The following CLGN variants were observed in gnomAD, a reference collection of about 807,000 sequenced individuals.
The protein encoded by CLGN is calmegin.
A neutral mutation model predicts 79.1 loss-of-function variants in CLGN; 62 were observed. That is an observed-to-expected ratio of 0.78 (90% CI 0.64 to 0.97). The LOEUF (loss-of-function observed/expected upper bound fraction) is 0.97, where lower values mean the gene tolerates loss of function less well. Among genes scored for constraint, CLGN ranks in the 50% least tolerant of loss-of-function variants. The pLI, the probability that CLGN is intolerant of heterozygous loss-of-function variation, is 0.00. For missense variants in CLGN, 647 were observed against 715.5 expected (o/e 0.90, Z 1.09); for synonymous variants, 225 against 224.7 (o/e 1.00, Z -0.01).
In CLGN at chr4:140,392,241, A is replaced by G. The variant is rs1417093647; in HGVS notation, c.1629T>C (p.Asn543=). The G allele has an allele frequency of 1.9e-6, 3 of 1,611,962 alleles. No homozygotes were observed. Among genetic ancestry groups the G allele is most frequent in the Admixed American group, 3.3e-5 (2 of 59,728 alleles). Residue 543 remains asparagine (N), a synonymous_variant, in exon 13 of 15, where the codon AAT becomes AAC. Coordinates refer to ENST00000325617, the MANE Select transcript of CLGN (RefSeq NM_004362.3). ...PMDLEEEKKQ[N]DGEMLEKEEE... is the part of the protein sequence containing the mutation. ...TACCTTTTTCAAGCATTTCACCATC[A>G]TTTTGCTTTTTTTCCTCTTCCAGGT...
At chr4:140,390,985 A>C (rs1307445929) in intron 13 of CLGN, among the ~76,000 whole-genome samples, 1 of 151,804 alleles carries the variant, frequency 6.6e-6, no homozygotes, top group Non-Finnish European at 1.5e-5. Context: ...ATGAAAACCA[A>C]AAAATAATAA....
rs752847375 is a variant in CLGN, at chr4:140,405,963, G to A, written c.398C>T (p.Ala133Val). The A allele has an allele frequency of 1.9e-6, 3 of 1,611,312 alleles. No homozygotes were observed. The Admixed American group carries it at 5.0e-5, about 27-fold the overall frequency. Reference sequence around the variant, plus strand: ...TTACTGAACTATCAAGGGTTTATCAGCAAAAATGAATGGTTTTGCTAATAC... The same window carrying A: ...TTACTGAACTATCAAGGGTTTATCAACAAAAATGAATGGTTTTGCTAATAC... ...SAVLAKPFIFADKPLIVQYEV... is the reference protein window; with the variant it reads ...SAVLAKPFIFVDKPLIVQYEV... Residue 133 changes from alanine to valine, a missense_variant, in exon 5 of 15, where the codon GCT becomes GTT. Physicochemically the swap from Ala to Val is moderately conservative, Grantham distance 64. Coordinates refer to ENST00000325617, the MANE Select transcript of CLGN (RefSeq NM_004362.3).
At chr4:140,405,913 A>G (rs1279414927) in intron 5 of CLGN, 29 bp downstream of exon 5, 1 of 1,577,364 alleles carries the variant, frequency 6.3e-7, no homozygotes, top group South Asian at 1.2e-5. Flanking sequence ...AAATTCAGAA[A>G]AAGTATTCAA....
chr4:140,413,376 C>T (rs1729250613), intron 1 of CLGN, among the ~76,000 whole-genome samples: 1 of 152,174 alleles, frequency 6.6e-6, no homozygotes, highest in South Asian at 2.1e-4. Context: ...ATAGGAACAG[C>T]TCCCGTCTAC....
At chr4:140,397,194 G>A (rs527257457) in intron 8 of CLGN, among the ~76,000 whole-genome samples, 4 of 151,650 alleles carry the variant, frequency 2.6e-5, no homozygotes, top group East Asian at 1.9e-4. Flanking sequence ...CTCCACTTCC[G>A]GTTCTACCAG....
In CLGN at chr4:140,389,304, T is replaced by C; in HGVS notation, c.1753A>G (p.Met585Val). 1 of 1,610,936 alleles carries C rather than the reference T, an allele frequency of 6.2e-7. No homozygotes were observed. Among genetic ancestry groups the C allele is most frequent in the Non-Finnish European group, 8.5e-7 (1 of 1,177,928 alleles). Residue 585 changes from methionine (M) to valine (V), a missense_variant and splice_region_variant, in exon 15 of 15, where the codon ATG (methionine) becomes GTG (valine). Transcript: ENST00000325617. ...CCTGTGCTCTCATCTGCTTCTTTCA[T>C]CTAGAAAAAATAATTATGAAAAGGT... ...QSNKSGSEDEMKEADESTGSG... is the reference protein window; with the variant it reads ...QSNKSGSEDEVKEADESTGSG...
intron 1 of CLGN, among the ~76,000 whole-genome samples, chr4:140,413,403 G>C (rs377277337): frequency 3.9e-5 from 6 of 152,220 alleles, no homozygotes; most frequent in South Asian, 2.1e-4. Context: ...CAGTGTGAGC[G>C]ACGCAGAAGA....
intron 8 of CLGN, 90 bp from the exon 9 acceptor site, chr4:140,396,295 C>T (rs1374821508): frequency 2.7e-6 from 3 of 1,116,010 alleles, no homozygotes; most frequent in East Asian, 2.4e-5. Context: ...AATTATTTCC[C>T]TCCCTTTTGT....
intron 6 of CLGN, among the ~76,000 whole-genome samples, chr4:140,400,761 C>A (rs540584094): frequency 6.6e-6 from 1 of 152,022 alleles, no homozygotes; most frequent in African/African-American, 2.4e-5. Context: ...TACTTCCTGA[C>A]GATGTGGGAC....
chr4:140,393,676 C>A, intron 11 of CLGN, 150 bp downstream of exon 11: 1 of 655,694 alleles, frequency 1.5e-6, no homozygotes, highest in Non-Finnish European at 2.5e-6. Flanking sequence ...AATATTCTGT[C>A]TACATAAACT....
chr4:140,427,066 G>T (rs1729581937), intron 1 of CLGN, among the ~76,000 whole-genome samples: 1 of 151,948 alleles, frequency 6.6e-6, no homozygotes. Flanking sequence ...AGCAGAGTGA[G>T]CAGCGCCCAG....
chr4:140,407,125 T>C (rs1258011472), intron 4 of CLGN, among the ~76,000 whole-genome samples: 3 of 152,180 alleles, frequency 2.0e-5, no homozygotes, highest in Non-Finnish European at 2.9e-5. Flanking sequence ...AAAATGTGTG[T>C]GTTTTTATTA....
At chr4:140,409,994 C>T in intron 3 of CLGN, 99 bp from the exon 4 acceptor site, 1 of 697,964 alleles carries the variant, frequency 1.4e-6, no homozygotes, top group Non-Finnish European at 2.4e-6. Context: ...TCACCCAATA[C>T]AGTCACTTTT....
chr4:140,392,646 A>C lies in CLGN; in HGVS notation c.1431T>G (p.Leu477=). 2.5e-6 allele frequency: 4 copies of C among 1,611,476 alleles called. No homozygotes were observed. The highest frequency in any genetic ancestry group is 2.5e-6 in the Non-Finnish European group (3 of 1,178,874). The part of the protein sequence containing the change: ...EGHPWLWLIY[L]VTAGVPIALI... ...ATGCTATTGGCACTCCTGCTGTCAC[A>C]AGATAAATCAACCAAAGCCATGGGT... is the stretch of plus-strand genomic sequence containing the variant. The change falls in exon 12 of 15, where the codon CTT becomes CTG. Residue 477 remains leucine (L), a synonymous_variant. Transcript: ENST00000325617.
intron 13 of CLGN, among the ~76,000 whole-genome samples, chr4:140,391,145 C>T (rs1728763940): frequency 6.6e-6 from 1 of 151,552 alleles, no homozygotes; most frequent in Admixed American, 6.6e-5. Context: ...TTAGCAGAAC[C>T]TCCAACTTTT....
rs760053643 is a variant in CLGN at position 140,395,841 on chromosome 4, A to T, written c.1127T>A (p.Leu376Gln). 1.4e-5 allele frequency: 21 copies of T among 1,524,228 alleles called. No homozygotes were observed. Among genetic ancestry groups the T allele is most frequent in the African/African-American group, 8.4e-5 (6 of 71,802 alleles). 94.4% of individuals were successfully genotyped at this position (1,524,228 alleles called of 1,614,324 possible). Residue 376 changes from leucine (L) to glutamine (Q), a missense_variant, in exon 10 of 15, where the codon CTG (leucine) becomes CAG (glutamine). Leu to Gln is a moderately radical substitution (Grantham distance 113). Transcript: ENST00000325617. ...PKYKGVWRPPLVDNPNYQGIW... is the reference protein window; with the variant it reads ...PKYKGVWRPPQVDNPNYQGIW... ...TACCTGATAGTTAGGATTATCGACC[A>T]GTGGAGGTCTCCATACTCCTTTGTA...
rs560784243 is a variant in CLGN, at chr4:140,391,545, C to T, written c.1651+674G>A. On this transcript the variant is annotated intron_variant, in intron 13 of 14. Transcript: ENST00000325617. ...CTGTCTCTTAAAAAATAGATAGACA[C>T]ATATGTGTTTTTAAGTCAACTGTTT... 1.1e-4 allele frequency among the ~76,000 whole-genome samples: 17 copies of T among 151,928 alleles called. 1 individual carries two copies. In the South Asian group the frequency reaches 3.5e-3, roughly 31 times the overall value.
At chr4:140,420,141 C>T (rs1729435916) in intron 1 of CLGN, among the ~76,000 whole-genome samples, 1 of 151,954 alleles carries the variant, frequency 6.6e-6, no homozygotes, top group Non-Finnish European at 1.5e-5. Flanking sequence ...AAAAAACATT[C>T]TAAGTGCTTT....
intron 8 of CLGN, among the ~76,000 whole-genome samples, chr4:140,396,716 C>G (rs1214365155): frequency 1.3e-5 from 2 of 151,272 alleles, no homozygotes; most frequent in South Asian, 2.1e-4. Flanking sequence ...GCCACCACGC[C>G]TGGCTAAGTT....
Sources: allele counts gnomAD v4.1 joint callset (sites outside exome capture counted in the v4.1 genomes callset), GRCh38; gene constraint gnomAD v4.1.1; transcripts MANE v1.5; gene names NCBI Gene and HGNC (gene_info 2026-07-23, HGNC 2026-07-21).